The following RASSF5 variants were observed in gnomAD, a reference collection of about 807,000 sequenced individuals.
RASSF5 encodes ras association domain-containing protein 5.
A neutral mutation model predicts 40.5 loss-of-function variants in RASSF5; 25 were observed. The ratio of observed to expected loss-of-function variants is 0.62; its 90% CI spans 0.45 to 0.86. RASSF5 has a LOEUF of 0.86. Ranked by LOEUF, RASSF5 falls within the 40% of genes least tolerant of loss-of-function variation. The pLI is 0.00. For synonymous variants in RASSF5, 246 were observed against 252.4 expected, an observed-to-expected ratio of 0.97 and a Z score of 0.24; for missense variants, 521 against 572.8, an observed-to-expected ratio of 0.91 and a Z score of 0.92.
chr1:206,585,062 C>T, intron 4 of RASSF5, 118 bp from the exon 5 acceptor site: 2 of 718,310 alleles, frequency 2.8e-6, no homozygotes, highest in African/African-American at 1.8e-5. Context: ...CATTAAAAGG[C>T]CCGTGTCTAC....
chr1:206,512,041 G>T (rs1389382221), intron 1 of RASSF5, among the ~76,000 whole-genome samples: 7 of 152,158 alleles, frequency 4.6e-5, no homozygotes, highest in African/African-American at 1.7e-4. Flanking sequence ...AGGTATTTGC[G>T]CACCCAGCAG....
chr1:206,583,130 C>T (rs73080973), intron 2 of RASSF5, 139 bp from the exon 3 acceptor site: 7,945 of 620,800 alleles, frequency 0.013, 389 homozygotes, highest in African/African-American at 0.11. Flanking sequence ...TGTCTCACTC[C>T]GAGTCCGTGC....
intron 5 of RASSF5, 72 bp downstream of exon 5, chr1:206,585,367 A>G: frequency 9.3e-7 from 1 of 1,079,880 alleles, no homozygotes; most frequent in Non-Finnish European, 1.4e-6. Context: ...TGTTGTCCTA[A>G]CTACCTCACA....
At position 206,529,663 on chromosome 1, in the gene RASSF5, T is replaced by C. The variant is rs1185915211; in HGVS notation, c.458-8509T>C. ...AAGTCTGTGGCTCACATCGCCAAAT[T>C]CAAAAAGGCAAAGGCTAAAGAACTT... On this transcript the variant is annotated intron_variant, in intron 1 of 5. Coordinates refer to ENST00000579436, the MANE Select transcript of RASSF5 (RefSeq NM_182663.4). The C allele has an allele frequency of 6.6e-6, 5 of 757,340 alleles. No individual in the cohort carries two copies. The African/African-American group carries it at 8.5e-5, about 13-fold the overall frequency. 46.9% of individuals were successfully genotyped at this position (757,340 alleles called of 1,614,324 possible).
At chr1:206,522,398 G>A (rs12405921) in intron 1 of RASSF5, among the ~76,000 whole-genome samples, 11,110 of 152,184 alleles carry the variant, frequency 0.073, 674 homozygotes, top group African/African-American at 0.17. Flanking sequence ...TTCAAAAACT[G>A]TGCTGTGTCT....
intron 2 of RASSF5, among the ~76,000 whole-genome samples, chr1:206,563,394 T>C (rs1451598556): frequency 6.6e-6 from 1 of 152,200 alleles, no homozygotes; most frequent in Non-Finnish European, 1.5e-5. Context: ...TACCTCTCTC[T>C]CATCTGTCAC....
intron 2 of RASSF5, among the ~76,000 whole-genome samples, chr1:206,566,153 G>A (rs1480765060): frequency 6.6e-6 from 1 of 152,178 alleles, no homozygotes; most frequent in Non-Finnish European, 1.5e-5. Context: ...GGTAACATGT[G>A]AAAGGGGGTG....
Position 206,560,097 on chromosome 1 carries a change from C to G in RASSF5, c.579+21804C>G, listed in dbSNP as rs906452192. ...TACCCAAAGAGAGATCACGCTTGAG[C>G]TCCTAAGAGAATTTCTTTTTCCTGT... is the stretch of plus-strand genomic sequence containing the variant. On this transcript the variant is annotated intron_variant, in intron 2 of 5. Coordinates refer to ENST00000579436, the MANE Select transcript of RASSF5 (RefSeq NM_182663.4). The surrounding 1 kb of genome is among the most constrained non-coding windows in gnomAD (Gnocchi z 5.1). 6.6e-6 allele frequency among the ~76,000 whole-genome samples: 1 copy of G among 152,222 alleles called. No individual in the cohort carries two copies. Among genetic ancestry groups the G allele is most frequent in the Non-Finnish European group, 1.5e-5 (1 of 68,048 alleles).
intron 2 of RASSF5, among the ~76,000 whole-genome samples, chr1:206,541,428 G>A (rs1220930746): frequency 6.6e-6 from 1 of 152,162 alleles, no homozygotes; most frequent in South Asian, 2.1e-4. Context: ...AGGGACAGGT[G>A]TGGAAGCGGG....
At chr1:206,520,127 C>T (rs1232529352) in intron 1 of RASSF5, among the ~76,000 whole-genome samples, 1 of 152,206 alleles carries the variant, frequency 6.6e-6, no homozygotes, top group Non-Finnish European at 1.5e-5. Flanking sequence ...AGGGCACATA[C>T]CGCACTGTGG....
intron 2 of RASSF5, among the ~76,000 whole-genome samples, chr1:206,578,675 T>C (rs1295523933): frequency 4.6e-5 from 7 of 152,184 alleles, no homozygotes; most frequent in Non-Finnish European, 1.0e-4. Flanking sequence ...ATATAATAGC[T>C]GCAGTACTGC....
chr1:206,566,613 T>C (rs1229643161), intron 2 of RASSF5, among the ~76,000 whole-genome samples: 3 of 152,184 alleles, frequency 2.0e-5, no homozygotes, highest in African/African-American at 7.2e-5. Flanking sequence ...AAGCTCCACC[T>C]ATCCCCTCCG....
At chr1:206,566,847 A>G (rs1668303072) in intron 2 of RASSF5, among the ~76,000 whole-genome samples, 1 of 152,164 alleles carries the variant, frequency 6.6e-6, no homozygotes, top group Non-Finnish European at 1.5e-5. Flanking sequence ...TTTCTGGACC[A>G]GGGACCATAG....
rs1553393888 is a variant in RASSF5 at position 206,507,583 on chromosome 1, G to A, written c.-20G>A. Reference sequence around the variant, plus strand: ...AGTCGCCAAAGCCGCCGCTGCCAAAGCTGCCGCCACTAGCCGGGCATGGCC... The same window carrying A: ...AGTCGCCAAAGCCGCCGCTGCCAAAACTGCCGCCACTAGCCGGGCATGGCC... On this transcript the variant is annotated 5_prime_UTR_variant, in exon 1 of 6. Transcript: ENST00000579436. 6.8e-7 allele frequency: 1 copy of A among 1,480,146 alleles called. No individual in the cohort carries two copies. The highest frequency in any genetic ancestry group is 8.9e-7 in the Non-Finnish European group (1 of 1,122,220). The allele number at this position is 1,480,146 out of a possible 1,614,324, so 91.7% of individuals were successfully genotyped here.
chr1:206,521,544 G>C (rs573127637), intron 1 of RASSF5, among the ~76,000 whole-genome samples: 1 of 152,254 alleles, frequency 6.6e-6, no homozygotes, highest in East Asian at 1.9e-4. Flanking sequence ...CTTGCAGTTT[G>C]CATATGCCCA....
At position 206,535,268 on chromosome 1, in the gene RASSF5, A is replaced by AT. The variant is rs1553398485; in HGVS notation, c.458-2903dup. Among the ~76,000 whole-genome samples the AT allele has an allele frequency of 6.6e-6, 1 of 152,222 alleles. No homozygotes were observed. Among genetic ancestry groups the AT allele is most frequent in the Non-Finnish European group, 1.5e-5 (1 of 68,042 alleles). On this transcript the variant is annotated intron_variant, in intron 1 of 5. Coordinates refer to ENST00000579436, the MANE Select transcript of RASSF5 (RefSeq NM_182663.4). The surrounding 1 kb of genome is among the most constrained non-coding windows in gnomAD (Gnocchi z 5.0). ...GCTGAAGGCTGTGGAGGACAGTGGA[A>AT]TACCAAGGGCAGGGGTTGGTTTGGT...
chr1:206,538,234 GA>G lies in RASSF5; in HGVS notation c.521del (p.Glu174GlyfsTer16), dbSNP rs1553398927. The part of the protein sequence containing the change: ...SLIQLDCSQQ[E>X]GLSRDRPSPE... Reference sequence around the variant, plus strand: ...GATCCAGTTGGACTGCAGTCAGCAGGAGGGTTTATCCCGGGACAGACCCTCT... The same window carrying G: ...GATCCAGTTGGACTGCAGTCAGCAGGGGGTTTATCCCGGGACAGACCCTCT... On this transcript the variant is annotated frameshift_variant, in exon 2 of 6. Coordinates refer to ENST00000579436, the MANE Select transcript of RASSF5 (RefSeq NM_182663.4). LOFTEE classifies it high-confidence loss of function. 1 of 1,614,208 alleles carries G rather than the reference GA, an allele frequency of 6.2e-7. No homozygotes were observed. The highest frequency in any genetic ancestry group is 1.1e-5 in the South Asian group (1 of 91,082).
rs1553407276 is a variant in RASSF5 at position 206,584,842 on chromosome 1, CAGGGAG to C, written c.988+159_988+164del. 9 of 766,238 alleles carry C rather than the reference CAGGGAG, an allele frequency of 1.2e-5. No homozygotes were observed. Among genetic ancestry groups the C allele is most frequent in the Admixed American group, 2.8e-5 (1 of 35,580 alleles). The allele number at this position is 766,238 out of a possible 1,614,324, so 47.5% of individuals were successfully genotyped here. A position where few individuals can be genotyped will look rare whatever the true frequency, so the allele number is the denominator to read the frequency against. ...GGTGTTCAGATCTGTGGAATCCGGGCAGGGAGGCAAGAGCAGAGTCCCTGACTCTGC... is the reference window on the plus strand; with the variant it reads ...GGTGTTCAGATCTGTGGAATCCGGGCGCAAGAGCAGAGTCCCTGACTCTGC... On this transcript the variant is annotated intron_variant, in intron 4 of 5. Transcript: ENST00000579436. The surrounding 1 kb of genome is among the most constrained non-coding windows in gnomAD (Gnocchi z 4.9).
intron 2 of RASSF5, chr1:206,542,591 A>C (rs554879915): frequency 6.6e-6 from 1 of 152,250 alleles, no homozygotes; most frequent in African/African-American, 2.4e-5. Context: ...CTGGGCAGCA[A>C]CCTCGGAAAC....
Sources: gnomAD v4.1 joint callset for allele counts (sites outside exome capture counted in the v4.1 genomes callset) on GRCh38, gnomAD v4.1.1 for gene constraint, Gnocchi (gnomAD v3.1) non-coding constraint, MANE v1.5 for transcripts, NCBI Gene and HGNC (gene_info 2026-07-23, HGNC 2026-07-21) for gene names.